The following PLPP7 variants were observed in gnomAD, a reference collection of about 807,000 sequenced individuals.
PLPP7 encodes the protein inactive phospholipid phosphatase 7.
PLPP7 carries 11 observed loss-of-function variants against 16.9 expected under a neutral mutation model. That is an observed-to-expected ratio of 0.65 (90% CI 0.41 to 1.08). The LOEUF (loss-of-function observed/expected upper bound fraction) is 1.08, where lower values mean the gene tolerates loss of function less well. PLPP7 is among the 50% of genes least tolerant of loss of function. The pLI is 0.00. For missense variants in PLPP7, 358 were observed against 397.1 expected (o/e 0.90, Z 0.84); for synonymous variants, 174 against 175.1 (o/e 0.99, Z 0.05).
chr9:131,301,636 G>T (rs1470511814), intron 1 of PLPP7, among the ~76,000 whole-genome samples: 1 of 152,126 alleles, frequency 6.6e-6, no homozygotes, highest in African/African-American at 2.4e-5. Flanking sequence ...CAGCCTCCAG[G>T]ACCAGAGCCT....
At position 131,290,470 on chromosome 9, in the gene PLPP7, C is replaced by T. The variant is rs748942481; in HGVS notation, c.451+22C>T. 3.2e-5 allele frequency: 48 copies of T among 1,493,894 alleles called. No homozygotes were observed. In the Middle Eastern group the frequency reaches 5.5e-4, roughly 17 times the overall value. 92.5% of individuals were successfully genotyped at this position (1,493,894 alleles called of 1,614,324 possible). On this transcript the variant is annotated intron_variant, in intron 1 of 1. Coordinates refer to ENST00000372264, the MANE Select transcript of PLPP7 (RefSeq NM_032728.4). This position sits in a 1 kb window ranked among gnomAD's most constrained non-coding sequence, Gnocchi z 4.2. ...CTGGGTGAGTGTGCCTGCCGCCCGC[C>T]ACTCACTGTCAGGCCCCTCGGGAGG... is the stretch of plus-strand genomic sequence containing the variant.
At chr9:131,306,347 G>C (rs1835852480) in intron 1 of PLPP7, among the ~76,000 whole-genome samples, 1 of 151,590 alleles carries the variant, frequency 6.6e-6, no homozygotes, top group African/African-American at 2.4e-5. Context: ...TTTGAGACCA[G>C]CCTGGCCAAC....
rs2131209362 is a variant in PLPP7 at position 131,289,779 on chromosome 9, G to A, written c.-219G>A. 1 of 405,704 alleles carries A rather than the reference G, an allele frequency of 2.5e-6. No homozygotes were observed. Among genetic ancestry groups the A allele is most frequent in the Non-Finnish European group, 4.3e-6 (1 of 232,484 alleles). The allele number at this position is 405,704 out of a possible 1,614,324, so 25.1% of individuals were successfully genotyped here. ...CTGCTGGTGCAGGCCCCGCATTGGA[G>A]GGCTCGATTGGCTGCCCGGCTGGCA... is the stretch of plus-strand genomic sequence containing the variant. On this transcript the variant is annotated 5_prime_UTR_variant, in exon 1 of 2. Coordinates refer to ENST00000372264, the MANE Select transcript of PLPP7 (RefSeq NM_032728.4).
chr9:131,289,802 G>A lies in PLPP7; in HGVS notation c.-196G>A. On this transcript the variant is annotated 5_prime_UTR_variant, in exon 1 of 2. Transcript: ENST00000372264. ...GAGGGCTCGATTGGCTGCCCGGCTG[G>A]CACTGACGTCCCCTTGGAGCTGGGT... 1 of 428,888 alleles carries A rather than the reference G, an allele frequency of 2.3e-6. No individual in the cohort carries two copies. Among genetic ancestry groups the A allele is most frequent in the Non-Finnish European group, 4.0e-6 (1 of 252,652 alleles). 26.6% of individuals were successfully genotyped at this position (428,888 alleles called of 1,614,324 possible).
intron 1 of PLPP7, among the ~76,000 whole-genome samples, chr9:131,302,483 G>A (rs1835809920): frequency 6.6e-6 from 1 of 152,138 alleles, no homozygotes; most frequent in African/African-American, 2.4e-5. Flanking sequence ...TGCTGGAACT[G>A]TGACCTCCCA....
Position 131,295,240 on chromosome 9 carries a change from G to T in PLPP7, c.451+4792G>T, listed in dbSNP as rs1444212144. 1.3e-5 allele frequency among the ~76,000 whole-genome samples: 2 copies of T among 151,572 alleles called. No individual in the cohort carries two copies. The highest frequency in any genetic ancestry group is 4.8e-5 in the African/African-American group (2 of 41,246). Reference sequence around the variant, plus strand: ...GTGATCTTGGCTCACAGCAACCTCTGCCTCCCTGGTTCAAGTGATTCTCCT... The same window carrying T: ...GTGATCTTGGCTCACAGCAACCTCTTCCTCCCTGGTTCAAGTGATTCTCCT... On this transcript the variant is annotated intron_variant, in intron 1 of 1. Transcript: ENST00000372264. The surrounding 1 kb of genome is among the most constrained non-coding windows in gnomAD (Gnocchi z 4.0).
chr9:131,300,758 C>T (rs950273860), intron 1 of PLPP7, among the ~76,000 whole-genome samples: 1 of 148,894 alleles, frequency 6.7e-6, no homozygotes. Context: ...TGGATCCTGA[C>T]AGCCCATGCA....
chr9:131,293,091 T>C (rs1835699688), intron 1 of PLPP7: 1 of 440,974 alleles, frequency 2.3e-6, no homozygotes, highest in African/African-American at 2.1e-5. Flanking sequence ...TAAATATTAA[T>C]ATGCCCATTT....
At chr9:131,296,999 A>G (rs1206469219) in intron 1 of PLPP7, among the ~76,000 whole-genome samples, 2 of 152,156 alleles carry the variant, frequency 1.3e-5, no homozygotes, top group African/African-American at 2.4e-5. Flanking sequence ...GAAACCGCAC[A>G]TGCTACCTCC....
Position 131,309,109 on chromosome 9 carries a change from C to T in PLPP7, c.*822C>T, listed in dbSNP as rs1490537684. 2 of 152,660 alleles carry T rather than the reference C, an allele frequency of 1.3e-5. No homozygotes were observed. Among genetic ancestry groups the T allele is most frequent in the African/African-American group, 4.8e-5 (2 of 41,454 alleles). 9.5% of individuals were successfully genotyped at this position (152,660 alleles called of 1,614,324 possible). The stretch of plus-strand genomic sequence containing the variant: ...CCTCTGGGGAGGCCGGGTGCACACG[C>T]CACAGCCCGAGGAAAGTGCTGGCCA... On this transcript the variant is annotated 3_prime_UTR_variant, in exon 2 of 2. Transcript: ENST00000372264.
chr9:131,299,155 C>T (rs1835768022), intron 1 of PLPP7, among the ~76,000 whole-genome samples: 1 of 152,162 alleles, frequency 6.6e-6, no homozygotes, highest in Non-Finnish European at 1.5e-5. Context: ...CACAAGTGGC[C>T]GACCTTGAAG....
chr9:131,306,424 C>T (rs1296719492), intron 1 of PLPP7, among the ~76,000 whole-genome samples: 2 of 151,992 alleles, frequency 1.3e-5, no homozygotes, highest in African/African-American at 4.8e-5. Flanking sequence ...CGCCTGTAAT[C>T]CCAGCTACTC....
At chr9:131,296,390 A>C (rs1028127795) in intron 1 of PLPP7, among the ~76,000 whole-genome samples, 2 of 152,040 alleles carry the variant, frequency 1.3e-5, no homozygotes, top group Non-Finnish European at 2.9e-5. Flanking sequence ...CTGCCTCCCA[A>C]GTAGCTGGGA....
At chr9:131,294,064 C>G (rs1835709991) in intron 1 of PLPP7, among the ~76,000 whole-genome samples, 1 of 152,196 alleles carries the variant, frequency 6.6e-6, no homozygotes, top group Admixed American at 6.5e-5. Context: ...TGGGGAAGTT[C>G]TCTGCATGCT....
In PLPP7 at chr9:131,308,020, C is replaced by G; in HGVS notation, c.549C>G (p.Thr183=). ...GCCCCAGCCTCCTGGACTACCTCAC[C>G]ATGGACATCTACGCCTTCCCGGCCG... ...ETSPSLLDYL[T]MDIYAFPAGH... The change falls in exon 2 of 2, where the codon ACC becomes ACG. Residue 183 remains threonine (T), a synonymous_variant. Transcript: ENST00000372264. 6.2e-7 allele frequency: 1 copy of G among 1,601,112 alleles called. No individual in the cohort carries two copies.
intron 1 of PLPP7, among the ~76,000 whole-genome samples, chr9:131,303,646 C>T (rs1226043021): frequency 1.3e-5 from 2 of 152,146 alleles, no homozygotes; most frequent in East Asian, 1.9e-4. Context: ...GTGGGCCAGG[C>T]GTTTGGGGGA....
At position 131,295,690 on chromosome 9, in the gene PLPP7, C is replaced by CA. The variant is rs1835729052; in HGVS notation, c.451+5243dup. Among the ~76,000 whole-genome samples the CA allele has an allele frequency of 6.6e-6, 1 of 151,780 alleles. No homozygotes were observed. Among genetic ancestry groups the CA allele is most frequent in the African/African-American group, 2.4e-5 (1 of 41,244 alleles). On this transcript the variant is annotated intron_variant, in intron 1 of 1. Coordinates refer to ENST00000372264, the MANE Select transcript of PLPP7 (RefSeq NM_032728.4). The surrounding 1 kb of genome is among the most constrained non-coding windows in gnomAD (Gnocchi z 4.0). ...CCTTCCCCCAGCCCCTGGCAACCTC[C>CA]ATTCTACACTCTGTCTCTGTGGATT...
chr9:131,290,488 T>C lies in PLPP7; in HGVS notation c.451+40T>C. On this transcript the variant is annotated intron_variant, in intron 1 of 1. Transcript: ENST00000372264. This position sits in a 1 kb window ranked among gnomAD's most constrained non-coding sequence, Gnocchi z 4.2. Reference sequence around the variant, plus strand: ...CGCCCGCCACTCACTGTCAGGCCCCTCGGGAGGCAGCCTGGCCTGCCCAAC... The same window carrying C: ...CGCCCGCCACTCACTGTCAGGCCCCCCGGGAGGCAGCCTGGCCTGCCCAAC... 2.7e-6 allele frequency: 4 copies of C among 1,476,534 alleles called. No homozygotes were observed. Among genetic ancestry groups the C allele is most frequent in the Middle Eastern group, 1.9e-4 (1 of 5,324 alleles). 91.5% of individuals were successfully genotyped at this position (1,476,534 alleles called of 1,614,324 possible). A position where few individuals can be genotyped will look rare whatever the true frequency, so the allele number is the denominator to read the frequency against.
chr9:131,307,227 TAGAGCA>T (rs1489435853), intron 1 of PLPP7, among the ~76,000 whole-genome samples: 1 of 124,562 alleles, frequency 8.0e-6, no homozygotes, highest in Non-Finnish European at 1.6e-5. Flanking sequence ...GCCTGGGCAA[TAGAGCA>T]AGACCCTGTA....
Sources: allele counts gnomAD v4.1 joint callset (sites outside exome capture counted in the v4.1 genomes callset), GRCh38; gene constraint gnomAD v4.1.1; non-coding constraint Gnocchi (gnomAD v3.1); transcripts MANE v1.5; gene names NCBI Gene and HGNC (gene_info 2026-07-23, HGNC 2026-07-21).